The following GATA3 variants were observed in gnomAD, a reference collection of about 807,000 sequenced individuals.
GATA3 encodes GATA binding protein 3.
A neutral mutation model predicts 36.0 loss-of-function variants in GATA3; 6 were observed. The ratio of observed to expected loss-of-function variants is 0.17; its 90% CI spans 0.09 to 0.33. The LOEUF (loss-of-function observed/expected upper bound fraction) is 0.33, where lower values mean the gene tolerates loss of function less well. GATA3 is among the 10% of genes least tolerant of loss of function. The probability of loss-of-function intolerance (pLI) is 1.00; values close to 1 mark genes in which losing one functional copy is unlikely to be tolerated. For synonymous variants in GATA3, 326 were observed against 273.0 expected, an observed-to-expected ratio of 1.19 and a Z score of -1.92; for missense variants, 514 against 610.1, an observed-to-expected ratio of 0.84 and a Z score of 1.66.
chr10:8,058,246 C>T, intron 2 of GATA3, 59 bp from the exon 3 acceptor site: 1 of 1,572,080 alleles, frequency 6.4e-7, no homozygotes, highest in South Asian at 1.1e-5. Flanking sequence ...TCCCTGACGG[C>T]CTCCCAGGGC....
At chr10:8,061,329 A>C (rs1356044543) in intron 3 of GATA3, among the ~76,000 whole-genome samples, 1 of 151,998 alleles carries the variant, frequency 6.6e-6, no homozygotes, top group African/African-American at 2.4e-5. Context: ...ATCTCCCTCC[A>C]CTGTCATCTG....
rs769965366 is a variant in GATA3, at chr10:8,073,645, C to T, written c.1051-94C>T. The T allele has an allele frequency of 2.7e-5, 35 of 1,315,544 alleles. No individual in the cohort carries two copies. The Middle Eastern group carries it at 5.9e-4, about 22-fold the overall frequency. The allele number at this position is 1,315,544 out of a possible 1,614,324, so 81.5% of individuals were successfully genotyped here. ...ATGGAAACAGATCCCTGATCCGGGG[C>T]GGTCAGTGGAACCCTTCTTGGTGTG... On this transcript the variant is annotated intron_variant, in intron 5 of 5. Transcript: ENST00000379328.
chr10:8,067,773 G>A (rs576931920), intron 4 of GATA3, among the ~76,000 whole-genome samples: 4 of 152,300 alleles, frequency 2.6e-5, no homozygotes, highest in South Asian at 4.1e-4. Flanking sequence ...AGCCGAGATC[G>A]CGCCACTGCA....
At chr10:8,058,125 C>A (rs34421710) in intron 2 of GATA3, among the ~76,000 whole-genome samples, 180 bp from the exon 3 acceptor site, 3,586 of 152,256 alleles carry the variant, frequency 0.024, 53 homozygotes, top group South Asian at 0.06. Flanking sequence ...CCCAGCCTGA[C>A]CCCCAGGTGT....
upstream of GATA3, among the ~76,000 whole-genome samples, chr10:8,048,988 T>A (rs1026707357): frequency 8.6e-5 from 13 of 151,616 alleles, no homozygotes; most frequent in African/African-American, 3.1e-4. Context: ...TCCCAGCGCA[T>A]CTCCTCTTTT....
chr10:8,052,242 G>A (rs562505608), upstream of GATA3: 140 of 151,436 alleles, frequency 9.2e-4, no homozygotes, highest in African/African-American at 3.1e-3. Context: ...AGACCAAGAA[G>A]GGCCTTCGAG....
chr10:8,064,334 T>C (rs895652192), intron 4 of GATA3, among the ~76,000 whole-genome samples, 196 bp downstream of exon 4: 1 of 147,970 alleles, frequency 6.8e-6, no homozygotes, highest in African/African-American at 2.5e-5. Flanking sequence ...TTTTTCAAAT[T>C]TGATACACAG....
Position 8,074,051 on chromosome 10 carries a change from C to T in GATA3, c.*28C>T, listed in dbSNP as rs2131523548. 3 of 1,612,402 alleles carry T rather than the reference C, an allele frequency of 1.9e-6. No individual in the cohort carries two copies. In the South Asian group the frequency reaches 3.3e-5, roughly 18 times the overall value. On this transcript the variant is annotated 3_prime_UTR_variant, in exon 6 of 6. Transcript: ENST00000379328. ...CCCTGCTCGATGCTCACAGGGCCCC[C>T]AGCGAGAGTCCCTGCAGTCCCTTTC... is the stretch of plus-strand genomic sequence containing the variant.
chr10:8,050,927 CG>C, upstream of GATA3: 1 of 467,910 alleles, frequency 2.1e-6, no homozygotes, highest in Non-Finnish European at 4.4e-6. Flanking sequence ...CGCGGGCGCC[CG>C]GGGCCGCTTC....
chr10:8,071,216 C>T (rs1303532767), intron 5 of GATA3, among the ~76,000 whole-genome samples: 2 of 152,140 alleles, frequency 1.3e-5, no homozygotes, highest in Non-Finnish European at 2.9e-5. Flanking sequence ...AAGTCGCTTG[C>T]ACAAGGTAAC....
chr10:8,064,843 T>C (rs1454726673), intron 4 of GATA3, among the ~76,000 whole-genome samples: 3 of 152,258 alleles, frequency 2.0e-5, no homozygotes, highest in Non-Finnish European at 4.4e-5. Context: ...AGTAAGGTGA[T>C]AGTTTTTTCT....
At chr10:8,073,664 T>A in intron 5 of GATA3, 75 bp from the exon 6 acceptor site, 4 of 1,487,686 alleles carry the variant, frequency 2.7e-6, no homozygotes, top group Non-Finnish European at 3.6e-6. Flanking sequence ...GAACCCTTCT[T>A]GGTGTGCGAG....
upstream of GATA3, among the ~76,000 whole-genome samples, chr10:8,051,822 C>T (rs1336391742): frequency 6.6e-6 from 1 of 151,650 alleles, no homozygotes; most frequent in Non-Finnish European, 1.5e-5. Context: ...GCGGGTCAGG[C>T]CGGCGCCTGG....
intron 1 of GATA3, among the ~76,000 whole-genome samples, chr10:8,048,051 A>T (rs1355629987): frequency 6.6e-6 from 1 of 152,146 alleles, no homozygotes; most frequent in East Asian, 1.9e-4. Flanking sequence ...CTGTGAACAC[A>T]TCCCCTGCCA....
chr10:8,058,436 G>T lies in GATA3; in HGVS notation c.373G>T (p.Gly125Cys). The stretch of plus-strand genomic sequence containing the variant: ...CTTCTCCAAGACGTCCATCCACCAC[G>T]GCTCCCCGGGGCCCCTCTCCGTCTA... ...SPFSKTSIHH[G>C]SPGPLSVYPP... Residue 125 changes from glycine to cysteine, a missense_variant, in exon 3 of 6, where the codon GGC (glycine) becomes TGC (cysteine). Gly to Cys is a radical substitution (Grantham distance 159). Around this residue, in one of 3 missense-constraint regions of GATA3, gnomAD observed 381 missense variants for 354.3 expected, o/e 1.08. Coordinates refer to ENST00000379328, the MANE Select transcript of GATA3 (RefSeq NM_001002295.2). 1 of 1,612,824 alleles carries T rather than the reference G, an allele frequency of 6.2e-7. No individual in the cohort carries two copies.
At chr10:8,068,038 G>T (rs1452300130) in intron 4 of GATA3, among the ~76,000 whole-genome samples, 1 of 152,126 alleles carries the variant, frequency 6.6e-6, no homozygotes, top group East Asian at 1.9e-4. Flanking sequence ...TATGATGGAA[G>T]GTGAGGAGGA....
chr10:8,050,878 C>T (rs756541984), upstream of GATA3: 6 of 451,616 alleles, frequency 1.3e-5, no homozygotes, highest in African/African-American at 2.1e-5. Context: ...GACTTCGACC[C>T]CGGGGCTCCG....
chr10:8,056,306 G>A (rs1832637669), intron 2 of GATA3, among the ~76,000 whole-genome samples: 1 of 152,184 alleles, frequency 6.6e-6, no homozygotes, highest in African/African-American at 2.4e-5. Context: ...GCTGGAACCC[G>A]GCTCTTCCAA....
At chr10:8,048,131 G>A (rs771175748) in intron 1 of GATA3, among the ~76,000 whole-genome samples, 13 of 152,174 alleles carry the variant, frequency 8.5e-5, no homozygotes, top group Non-Finnish European at 1.6e-4. Flanking sequence ...ATAGTCCCCA[G>A]ATAAAGCCCT....
Sources: gnomAD v4.1 joint callset for allele counts (sites outside exome capture counted in the v4.1 genomes callset) on GRCh38, gnomAD v4.1.1 for gene constraint, gnomAD v4.1.1 regional missense constraint, MANE v1.5 for transcripts, NCBI Gene and HGNC (gene_info 2026-07-23, HGNC 2026-07-21) for gene names.